SYMPK: variants seen among roughly 807,000 people sequenced by gnomAD.
SYMPK encodes symplekin.
A neutral mutation model predicts 136.4 loss-of-function variants in SYMPK; 49 were observed. That is an observed-to-expected ratio of 0.36 (90% CI 0.29 to 0.46). SYMPK has a LOEUF of 0.46. Ranked by LOEUF, SYMPK falls within the 20% of genes least tolerant of loss-of-function variation. The pLI is 1.00. For missense variants in SYMPK, 1,365 were observed against 1,690.0 expected, an observed-to-expected ratio of 0.81 and a Z score of 3.37; for synonymous variants, 766 against 713.0, an observed-to-expected ratio of 1.07 and a Z score of -1.19.
At chr19:45,826,068 C>A (rs573197862) in intron 17 of SYMPK, among the ~76,000 whole-genome samples, 158 bp downstream of exon 17, 24 of 152,154 alleles carry the variant, frequency 1.6e-4, no homozygotes, top group Non-Finnish European at 3.2e-4. Context: ...GGCCAGATGC[C>A]CCCTACCCTG....
intron 3 of SYMPK, among the ~76,000 whole-genome samples, chr19:45,853,738 TCTGGGCTCCCAGAGCCCCC>T (rs560440247): frequency 9.9e-4 from 151 of 152,202 alleles, no homozygotes; most frequent in African/African-American, 3.2e-3. Context: ...AGGAGCTCCC[TCTGGGCTCCCAGAGCCCCC>T]CTGGGCTCCC....
intron 18 of SYMPK, 111 bp downstream of exon 18, chr19:45,825,060 C>T: frequency 7.1e-7 from 1 of 1,410,020 alleles, no homozygotes; most frequent in East Asian, 2.3e-5. Flanking sequence ...CCGGGGTGAC[C>T]ACCCTTCGGG....
intron 15 of SYMPK, 46 bp downstream of exon 15, chr19:45,827,791 G>A: frequency 1.3e-6 from 2 of 1,597,410 alleles, no homozygotes; most frequent in Non-Finnish European, 1.7e-6. Context: ...TCAGGGCAGG[G>A]CCCTGTCCCC....
At chr19:45,828,662 T>G in intron 14 of SYMPK, 5 of 413,588 alleles carry the variant, frequency 1.2e-5, no homozygotes, top group Admixed American at 3.9e-5. Flanking sequence ...TCCAGGCCCA[T>G]GGGTGAGCAC....
At position 45,817,021 on chromosome 19, in the gene SYMPK, C is replaced by G. The variant is rs369920115; in HGVS notation, c.3082-47G>C. Reference sequence around the variant, plus strand: ...CCGTCGGGAGAGGCACACAGGCATCCCCCCGAGCCTTGACACTGGGAGAAA... The same window carrying G: ...CCGTCGGGAGAGGCACACAGGCATCGCCCCGAGCCTTGACACTGGGAGAAA... On this transcript the variant is annotated intron_variant, in intron 23 of 26. Coordinates refer to ENST00000245934, the MANE Select transcript of SYMPK (RefSeq NM_004819.3). 3 of 1,527,300 alleles carry G rather than the reference C, an allele frequency of 2.0e-6. No homozygotes were observed. The African/African-American group carries it at 4.2e-5, about 21-fold the overall frequency. The allele number at this position is 1,527,300 out of a possible 1,614,324, so 94.6% of individuals were successfully genotyped here.
chr19:45,847,940 G>A lies in SYMPK; in HGVS notation c.488C>T (p.Ala163Val), dbSNP rs753864731. The change falls in exon 7 of 27, where the codon GCC becomes GTC. Residue 163 changes from alanine (A) to valine (V), a missense_variant. Ala to Val is a moderately conservative substitution (Grantham distance 64). Around this residue, in one of 11 missense-constraint regions of SYMPK, gnomAD observed 237 missense variants for 292.9 expected, o/e 0.81. Transcript: ENST00000245934. The stretch of plus-strand genomic sequence containing the variant: ...TAGCAGGATGATGTCCCCCGCCATG[G>A]CAGATACCATGTCCCAGCAGGCCTC... ...LQEACWDMVS[A>V]MAGDIILLLD... is the part of the protein sequence containing the mutation. 6.9e-5 allele frequency: 111 copies of A among 1,610,596 alleles called. No homozygotes were observed. Among genetic ancestry groups the A allele is most frequent in the Non-Finnish European group, 9.0e-5 (106 of 1,177,628 alleles).
chr19:45,816,523 C>G lies in SYMPK; in HGVS notation c.3313G>C (p.Glu1105Gln). Residue 1105 changes from glutamate to glutamine, a missense_variant, in exon 25 of 27, where the codon GAG (glutamate) becomes CAG (glutamine). Physicochemically the swap from Glu to Gln is conservative, Grantham distance 29. Around this residue, in one of 11 missense-constraint regions of SYMPK, gnomAD observed 341 missense variants for 270.5 expected, o/e 1.26. Coordinates refer to ENST00000245934, the MANE Select transcript of SYMPK (RefSeq NM_004819.3). ...GCAGGCGCCTCCTTGGCCTCTGGCTCCTGCTTGCCGCTGGCCTCCAAGATG... is the reference window on the plus strand; with the variant it reads ...GCAGGCGCCTCCTTGGCCTCTGGCTGCTGCTTGCCGCTGGCCTCCAAGATG... Reference protein sequence around the residue: ...MTILEASGKQEPEAKEAPAGP... With the variant: ...MTILEASGKQQPEAKEAPAGP... 1 of 1,613,646 alleles carries G rather than the reference C, an allele frequency of 6.2e-7. No homozygotes were observed. Among genetic ancestry groups the G allele is most frequent in the Non-Finnish European group, 8.5e-7 (1 of 1,179,968 alleles).
intron 7 of SYMPK, among the ~76,000 whole-genome samples, chr19:45,847,132 A>G (rs1311230551): frequency 6.6e-6 from 1 of 152,042 alleles, no homozygotes; most frequent in African/African-American, 2.4e-5. Flanking sequence ...AGAAAACTGT[A>G]AAACTGCCCG....
intron 8 of SYMPK, chr19:45,842,744 C>G (rs985966501): frequency 1.7e-5 from 8 of 476,318 alleles, no homozygotes; most frequent in Non-Finnish European, 2.6e-5. Context: ...TTTCGTCCTC[C>G]TCCATCTCTG....
rs751479569 is a variant in SYMPK, at chr19:45,826,326, C to A, written c.2229G>T (p.Glu743Asp). The change falls in exon 17 of 27, where the codon GAG becomes GAT. Residue 743 changes from glutamate to aspartate, a missense_variant. Physicochemically the swap from Glu to Asp is conservative, Grantham distance 45. Coordinates refer to ENST00000245934, the MANE Select transcript of SYMPK (RefSeq NM_004819.3). ...ATTTCTCCACATACTCCCGCAGCTGCTCCTTCTCATACATGCGTTTGATGA... is the reference window on the plus strand; with the variant it reads ...ATTTCTCCACATACTCCCGCAGCTGATCCTTCTCATACATGCGTTTGATGA... ...LLFIKRMYEK[E>D]QLREYVEKFA... The A allele has an allele frequency of 2.5e-6, 4 of 1,614,050 alleles. No individual in the cohort carries two copies. Among genetic ancestry groups the A allele is most frequent in the African/African-American group, 1.3e-5 (1 of 74,926 alleles).
chr19:45,838,223 C>G (rs1325563946), intron 10 of SYMPK, among the ~76,000 whole-genome samples: 1 of 152,072 alleles, frequency 6.6e-6, no homozygotes, highest in Non-Finnish European at 1.5e-5. Context: ...GAGATGCCTG[C>G]TCCCCCTTCA....
intron 1 of SYMPK, among the ~76,000 whole-genome samples, chr19:45,861,077 A>C (rs1971955992): frequency 6.6e-6 from 1 of 152,190 alleles, no homozygotes; most frequent in East Asian, 1.9e-4. Context: ...CCGGCATGGC[A>C]TGCCGTCCCC....
intron 11 of SYMPK, among the ~76,000 whole-genome samples, chr19:45,834,504 G>A (rs117379371): frequency 2.0e-5 from 3 of 150,658 alleles, no homozygotes; most frequent in African/African-American, 7.4e-5. Flanking sequence ...AATTACCTTT[G>A]AGCTATGTTT....
intron 18 of SYMPK, chr19:45,824,174 C>T (rs576896108): frequency 6.3e-5 from 20 of 318,262 alleles, no homozygotes; most frequent in African/African-American, 4.1e-4. Context: ...CCCTGTGCTT[C>T]GTTCACTGGT....
At chr19:45,819,225 C>T (rs559418349) in intron 22 of SYMPK, 170 of 152,456 alleles carry the variant, frequency 1.1e-3, no homozygotes, top group South Asian at 7.7e-3. Context: ...AGCCTCCGAT[C>T]CATTCTCCAT....
chr19:45,856,461 G>A (rs1198653503), intron 1 of SYMPK, among the ~76,000 whole-genome samples: 3 of 152,094 alleles, frequency 2.0e-5, no homozygotes, highest in African/African-American at 7.2e-5. Context: ...TGTATACGCA[G>A]AATGACCTGA....
At chr19:45,854,262 G>C (rs770474197) in intron 2 of SYMPK, 22 bp from the exon 3 acceptor site, 8 of 1,613,158 alleles carry the variant, frequency 5.0e-6, no homozygotes, top group Non-Finnish European at 6.8e-6. Context: ...GGGAGTGGCA[G>C]GGGATAGTGC....
chr19:45,827,386 A>G (rs774304572), intron 16 of SYMPK, 124 bp downstream of exon 16: 23 of 674,338 alleles, frequency 3.4e-5, no homozygotes, highest in Admixed American at 8.1e-5. Flanking sequence ...AACCACTGAA[A>G]GAAGGGAATG....
intron 26 of SYMPK, 75 bp from the exon 27 acceptor site, chr19:45,815,772 C>G: frequency 3.8e-6 from 6 of 1,587,420 alleles, no homozygotes; most frequent in Non-Finnish European, 5.1e-6. Context: ...GGCCCTGCCC[C>G]CTGATGGCCC....
Sources: allele counts gnomAD v4.1 joint callset (sites outside exome capture counted in the v4.1 genomes callset), GRCh38; gene constraint gnomAD v4.1.1; regional missense constraint gnomAD v4.1.1; transcripts MANE v1.5; gene names NCBI Gene and HGNC (gene_info 2026-07-23, HGNC 2026-07-21).